ALPL: variants seen among roughly 807,000 people sequenced by gnomAD.
ALPL encodes alkaline phosphatase, biomineralization associated.
ALPL carries 42 observed loss-of-function variants against 51.3 expected under a neutral mutation model. That is an observed-to-expected ratio of 0.82 (90% CI 0.64 to 1.06). ALPL has a LOEUF of 1.06. Ranked by LOEUF, ALPL falls within the 50% of genes least tolerant of loss-of-function variation. The pLI, the probability that ALPL is intolerant of heterozygous loss-of-function variation, is 0.00. For missense variants in ALPL, 589 were observed against 709.4 expected (o/e 0.83, Z 1.93); for synonymous variants, 279 against 296.4 (o/e 0.94, Z 0.60).
chr1:21,567,732 T>C (rs556902167), intron 6 of ALPL, among the ~76,000 whole-genome samples: 1 of 152,350 alleles, frequency 6.6e-6, no homozygotes, highest in East Asian at 1.9e-4. Flanking sequence ...CCAGGGTTTA[T>C]TGCAGCCTTG....
intron 1 of ALPL, among the ~76,000 whole-genome samples, chr1:21,543,472 A>G (rs545608280): frequency 1.3e-5 from 2 of 152,230 alleles, no homozygotes; most frequent in South Asian, 4.1e-4. Flanking sequence ...CTGTAATCCC[A>G]GCTACTCGGG....
chr1:21,575,891 G>T lies in ALPL; in HGVS notation c.1156G>T (p.Gly386Cys). The T allele has an allele frequency of 6.2e-7, 1 of 1,614,214 alleles. No individual in the cohort carries two copies. The highest frequency in any genetic ancestry group is 8.5e-7 in the Non-Finnish European group (1 of 1,180,040). ...TADHSHVFTF[G>C]GYTPRGNSIF... ...GGACCATTCCCACGTCTTCACATTTGGTGGATACACCCCCCGTGGCAACTC... is the reference window on the plus strand; with the variant it reads ...GGACCATTCCCACGTCTTCACATTTTGTGGATACACCCCCCGTGGCAACTC... The change falls in exon 10 of 12, where the codon GGT (glycine) becomes TGT (cysteine). Residue 386 changes from glycine to cysteine, a missense_variant. By Grantham distance (159) the Gly-to-Cys change is radical (BLOSUM62 -3). Transcript: ENST00000374840.
chr1:21,566,739 A>G (rs565581979), intron 6 of ALPL, among the ~76,000 whole-genome samples: 1 of 152,010 alleles, frequency 6.6e-6, no homozygotes, highest in East Asian at 1.9e-4. Flanking sequence ...ACAAGCCTGT[A>G]CCACCATGCC....
At chr1:21,537,886 G>A (rs1040398328) in intron 1 of ALPL, among the ~76,000 whole-genome samples, 8 of 152,206 alleles carry the variant, frequency 5.3e-5, no homozygotes, top group South Asian at 2.1e-4. Flanking sequence ...CCCCCGGCGC[G>A]TAGTAGTTGC....
chr1:21,523,495 G>T (rs1390858308), intron 1 of ALPL, among the ~76,000 whole-genome samples: 3 of 152,214 alleles, frequency 2.0e-5, no homozygotes, highest in Non-Finnish European at 4.4e-5. Context: ...ACTGGCAGCA[G>T]GCCTGTGCCA....
chr1:21,539,334 T>C (rs999463520), intron 1 of ALPL, among the ~76,000 whole-genome samples: 1 of 152,214 alleles, frequency 6.6e-6, no homozygotes, highest in Non-Finnish European at 1.5e-5. Context: ...AGGTAAAGTG[T>C]TTAGAACAAT....
At chr1:21,530,580 C>T (rs1644014289) in intron 1 of ALPL, among the ~76,000 whole-genome samples, 1 of 152,076 alleles carries the variant, frequency 6.6e-6, no homozygotes, top group South Asian at 2.1e-4. Context: ...CCCAGTGACT[C>T]ACTCCACAGG....
In ALPL at chr1:21,577,768, G is replaced by T; in HGVS notation, c.*120G>T. 1.5e-6 allele frequency: 2 copies of T among 1,344,788 alleles called. No individual in the cohort carries two copies. The highest frequency in any genetic ancestry group is 2.7e-5 in the South Asian group (2 of 72,968). The allele number at this position is 1,344,788 out of a possible 1,614,324, so 83.3% of individuals were successfully genotyped here. A position where few individuals can be genotyped will look rare whatever the true frequency, so the allele number is the denominator to read the frequency against. On this transcript the variant is annotated 3_prime_UTR_variant, in exon 12 of 12. Transcript: ENST00000374840. ...CAGCCTCTGCAACTGCAAGAAAGGG[G>T]ACCCAAGAAACCAAAGTCTGCCGCC...
At position 21,575,615 on chromosome 1, in the gene ALPL, C is replaced by G. The variant is rs116835106; in HGVS notation, c.998-118C>G. On this transcript the variant is annotated intron_variant, in intron 9 of 11. Coordinates refer to ENST00000374840, the MANE Select transcript of ALPL (RefSeq NM_000478.6). ...GGTGCTAGCTCAGAGTGGTGCCCGG[C>G]GAAGGTTCCTGTCCTTCCCTAGCTA... is the stretch of plus-strand genomic sequence containing the variant. 4.1e-5 allele frequency: 51 copies of G among 1,258,670 alleles called. No homozygotes were observed. In the East Asian group the frequency reaches 1.2e-3, roughly 29 times the overall value. 78.0% of individuals were successfully genotyped at this position (1,258,670 alleles called of 1,614,324 possible). A position where few individuals can be genotyped will look rare whatever the true frequency, so the allele number is the denominator to read the frequency against.
chr1:21,557,108 T>A (rs1035041004), intron 2 of ALPL, among the ~76,000 whole-genome samples: 1 of 151,410 alleles, frequency 6.6e-6, no homozygotes, highest in Non-Finnish European at 1.5e-5. Context: ...CTATGTGCTA[T>A]TTTTTTTTCC....
At position 21,570,385 on chromosome 1, in the gene ALPL, G is replaced by T. The variant is rs1447217092; in HGVS notation, c.862+11G>T. 2 of 1,613,476 alleles carry T rather than the reference G, an allele frequency of 1.2e-6. No homozygotes were observed. The highest frequency in any genetic ancestry group is 3.3e-5 in the Admixed American group (2 of 59,994). On this transcript the variant is annotated intron_variant, in intron 8 of 11. Transcript: ENST00000374840. ...TGGACTACCTATTGGGTAAGTGGAG[G>T]GGGTGGAGGGGAGGATGCATGGCTC... is the stretch of plus-strand genomic sequence containing the variant.
chr1:21,540,381 A>G (rs538235444), intron 1 of ALPL, among the ~76,000 whole-genome samples: 137 of 152,314 alleles, frequency 9.0e-4, no homozygotes, highest in African/African-American at 3.0e-3. Flanking sequence ...GGTTTGGGGC[A>G]TCATGACCGT....
chr1:21,522,354 G>A (rs12061854), intron 1 of ALPL, among the ~76,000 whole-genome samples: 4,812 of 152,206 alleles, frequency 0.032, 222 homozygotes, highest in African/African-American at 0.1. Flanking sequence ...GATTACAGGC[G>A]TGAGCCACTG....
chr1:21,562,523 T>C (rs3767154), intron 4 of ALPL, among the ~76,000 whole-genome samples: 19,663 of 152,196 alleles, frequency 0.13, 1,990 homozygotes, highest in East Asian at 0.48. Context: ...TGGTGCCTTC[T>C]GTGCCTTCAA....
At chr1:21,547,624 G>A (rs1344198400) in intron 1 of ALPL, among the ~76,000 whole-genome samples, 1 of 152,238 alleles carries the variant, frequency 6.6e-6, no homozygotes, top group Non-Finnish European at 1.5e-5. Flanking sequence ...AGCAAGCGGG[G>A]CACTCATTTC....
rs568759482 is a variant in ALPL at position 21,513,473 on chromosome 1, CCT to C, written c.-105+3959_-105+3960del. 1.9e-3 allele frequency among the ~76,000 whole-genome samples: 295 copies of C among 152,254 alleles called. 1 individual carries two copies. Among genetic ancestry groups the C allele is most frequent in the African/African-American group, 6.8e-3 (284 of 41,538 alleles). The stretch of plus-strand genomic sequence containing the variant: ...AGAGCTGAGCTGAAGTCCTTGAATA[CCT>C]CTGTGACCTTGGGCAAGTCACTTCC... On this transcript the variant is annotated intron_variant, in intron 1 of 11. Transcript: ENST00000374840.
In ALPL at chr1:21,545,307, T is replaced by TTTTTG. The variant is rs1644240097; in HGVS notation, c.-104-8670_-104-8669insTTTGT. On this transcript the variant is annotated intron_variant, in intron 1 of 11. Coordinates refer to ENST00000374840, the MANE Select transcript of ALPL (RefSeq NM_000478.6). ...TTTTTGTTTTTGTTTTTGTTTTTTTTTAAGACAGAGTCTCACTCTGTCGCC... is the reference window on the plus strand; with the variant it reads ...TTTTTGTTTTTGTTTTTGTTTTTTTTTTTTGTAAGACAGAGTCTCACTCTGTCGCC... Among the ~76,000 whole-genome samples the TTTTTG allele has an allele frequency of 8.6e-5, 13 of 152,020 alleles. No individual in the cohort carries two copies. In the South Asian group the frequency reaches 1.7e-3, roughly 19 times the overall value.
rs374558572 is a variant in ALPL at position 21,564,178 on chromosome 1, A to T, written c.610A>T (p.Ile204Phe). The change falls in exon 6 of 12, where the codon ATC (isoleucine) becomes TTC (phenylalanine). Residue 204 changes from isoleucine (I) to phenylalanine (F), a missense_variant. Physicochemically the swap from Ile to Phe is conservative, Grantham distance 21 (BLOSUM62 0). Coordinates refer to ENST00000374840, the MANE Select transcript of ALPL (RefSeq NM_000478.6). This position sits in a 1 kb window ranked among gnomAD's most constrained non-coding sequence, Gnocchi z 5.8. ...PEALSQGCKD[I>F]AYQLMHNIRD... ...GGCCTTGAGCCAGGGCTGTAAGGAC[A>T]TCGCCTACCAGCTCATGCATAACAT... 2 of 1,614,042 alleles carry T rather than the reference A, an allele frequency of 1.2e-6. No homozygotes were observed. Among genetic ancestry groups the T allele is most frequent in the Non-Finnish European group, 1.7e-6 (2 of 1,180,008 alleles).
intron 9 of ALPL, chr1:21,574,595 C>G (rs1012062732): frequency 6.6e-6 from 1 of 152,266 alleles, no homozygotes; most frequent in Non-Finnish European, 1.5e-5. Context: ...CACACATGCT[C>G]AGCGCCTCCG....
Sources: allele counts gnomAD v4.1 joint callset (sites outside exome capture counted in the v4.1 genomes callset), GRCh38; gene constraint gnomAD v4.1.1; non-coding constraint Gnocchi (gnomAD v3.1); transcripts MANE v1.5; gene names NCBI Gene and HGNC (gene_info 2026-07-23, HGNC 2026-07-21).